The following TMBIM6 variants were observed in gnomAD, a reference collection of about 807,000 sequenced individuals.
TMBIM6 encodes transmembrane BAX inhibitor motif containing 6, also known as bax inhibitor 1.
In TMBIM6, 13 loss-of-function variants were observed where a neutral mutation model predicts 31.4. That is an observed-to-expected ratio of 0.41 (90% CI 0.27 to 0.66). The LOEUF (loss-of-function observed/expected upper bound fraction) is 0.66. TMBIM6 is among the 30% of genes least tolerant of loss of function. The pLI is 0.28. For missense variants in TMBIM6, 275 were observed against 289.5 expected, an observed-to-expected ratio of 0.95 and a Z score of 0.36; for synonymous variants, 85 against 101.7, an observed-to-expected ratio of 0.84 and a Z score of 0.99.
intron 1 of TMBIM6, among the ~76,000 whole-genome samples, chr12:49,745,465 C>G (rs1030422884): frequency 6.6e-6 from 1 of 152,164 alleles, no homozygotes; most frequent in East Asian, 1.9e-4. Context: ...TGGCTCATGC[C>G]TGTAATCCCA....
At chr12:49,746,303 C>T (rs565560397) in intron 1 of TMBIM6, among the ~76,000 whole-genome samples, 66 of 152,066 alleles carry the variant, frequency 4.3e-4, no homozygotes, top group Admixed American at 1.4e-3. Flanking sequence ...GGGCTGGTCT[C>T]GAACTCCTGA....
chr12:49,757,793 C>T (rs960343230), intron 4 of TMBIM6, among the ~76,000 whole-genome samples: 1 of 152,258 alleles, frequency 6.6e-6, no homozygotes, highest in East Asian at 1.9e-4. Context: ...CAGAACCAGT[C>T]TCACCTTTCT....
intron 1 of TMBIM6, among the ~76,000 whole-genome samples, chr12:49,743,194 C>G (rs1267754162): frequency 6.6e-6 from 1 of 151,558 alleles, no homozygotes; most frequent in Non-Finnish European, 1.5e-5. Flanking sequence ...GTTGCCCAGG[C>G]TTACCAACTC....
At chr12:49,752,881 T>C in intron 2 of TMBIM6, 92 bp from the exon 3 acceptor site, 1 of 1,198,874 alleles carries the variant, frequency 8.3e-7, no homozygotes. Flanking sequence ...CTTTTACATA[T>C]TCCCAGGAAG....
At chr12:49,749,255 T>C (rs935646275) in intron 1 of TMBIM6, among the ~76,000 whole-genome samples, 2 of 152,202 alleles carry the variant, frequency 1.3e-5, no homozygotes, top group African/African-American at 4.8e-5. Context: ...ATTTCTTTGA[T>C]TCTAAGACCT....
At chr12:49,758,514 T>C in intron 6 of TMBIM6, 34 bp downstream of exon 6, 1 of 1,606,548 alleles carries the variant, frequency 6.2e-7, no homozygotes, top group Non-Finnish European at 8.5e-7. Flanking sequence ...GAATGGGGGC[T>C]CCTTTTTAGC....
chr12:49,744,894 C>T (rs1298594246), intron 1 of TMBIM6, among the ~76,000 whole-genome samples: 2 of 152,162 alleles, frequency 1.3e-5, no homozygotes, highest in Non-Finnish European at 2.9e-5. Flanking sequence ...TCTTAGGATT[C>T]AGTATCTGTC....
intron 1 of TMBIM6, among the ~76,000 whole-genome samples, chr12:49,747,370 A>G (rs1247821925): frequency 6.6e-6 from 1 of 152,166 alleles, no homozygotes; most frequent in African/African-American, 2.4e-5. Context: ...GTGAAGCAAC[A>G]TGATGATGGC....
intron 4 of TMBIM6, among the ~76,000 whole-genome samples, chr12:49,757,939 T>G (rs1177178292): frequency 6.6e-6 from 1 of 152,228 alleles, no homozygotes; most frequent in Non-Finnish European, 1.5e-5. Context: ...TCTGAAATGT[T>G]TGGCATGCCT....
intron 1 of TMBIM6, among the ~76,000 whole-genome samples, chr12:49,742,840 C>T (rs1042133741): frequency 6.6e-6 from 1 of 152,168 alleles, no homozygotes; most frequent in African/African-American, 2.4e-5. Context: ...AATATGTTGA[C>T]ATTTAGATTC....
At chr12:49,746,754 T>C (rs756759022) in intron 1 of TMBIM6, among the ~76,000 whole-genome samples, 1 of 152,080 alleles carries the variant, frequency 6.6e-6, no homozygotes, top group Non-Finnish European at 1.5e-5. Context: ...ATGGAAAGCT[T>C]TCTTGGCCAA....
chr12:49,753,924 C>CTTTT (rs201872079), intron 3 of TMBIM6, among the ~76,000 whole-genome samples: 2 of 138,358 alleles, frequency 1.4e-5, no homozygotes, highest in Admixed American at 7.2e-5. Flanking sequence ...ACTCATGGCA[C>CTTTT]TTTTTTTTTT....
chr12:49,747,458 A>C (rs1945416661), intron 1 of TMBIM6, among the ~76,000 whole-genome samples: 2 of 151,274 alleles, frequency 1.3e-5, no homozygotes, highest in South Asian at 4.2e-4. Context: ...ACAGGCGCAC[A>C]CCACCACACC....
chr12:49,758,653 C>T (rs1445166489), intron 6 of TMBIM6, 30 bp from the exon 7 acceptor site: 1 of 1,611,980 alleles, frequency 6.2e-7, no homozygotes, highest in African/African-American at 1.3e-5. Flanking sequence ...CTTGGCTTCT[C>T]TCAAGACAGC....
At chr12:49,746,332 C>T (rs1945393916) in intron 1 of TMBIM6, among the ~76,000 whole-genome samples, 1 of 152,066 alleles carries the variant, frequency 6.6e-6, no homozygotes, top group South Asian at 2.1e-4. Flanking sequence ...GATCCGCCTG[C>T]CTCAGCCTCC....
intron 1 of TMBIM6, chr12:49,742,286 G>A: frequency 1.9e-6 from 3 of 1,581,308 alleles, no homozygotes; most frequent in Non-Finnish European, 2.6e-6. Context: ...GGCAGGTGAG[G>A]TGGCTTTGCT....
In TMBIM6 at chr12:49,755,791, G is replaced by A. The variant is rs189807941; in HGVS notation, c.286+36G>A. The A allele has an allele frequency of 2.4e-5, 39 of 1,595,332 alleles. No homozygotes were observed. The East Asian group carries it at 8.1e-4, about 33-fold the overall frequency. ...GGATTTGTCTAATTTTGAGGGGTGA[G>A]CTATATTTTCAGTATCTCTTAATTA... On this transcript the variant is annotated intron_variant, in intron 4 of 9. Coordinates refer to ENST00000267115, the MANE Select transcript of TMBIM6 (RefSeq NM_003217.3).
At chr12:49,755,843 T>A in intron 4 of TMBIM6, 88 bp downstream of exon 4, 1 of 1,473,128 alleles carries the variant, frequency 6.8e-7, no homozygotes, top group Non-Finnish European at 9.1e-7. Context: ...TTTTCTTTTT[T>A]TTTTTTTTGA....
intron 3 of TMBIM6, among the ~76,000 whole-genome samples, chr12:49,754,332 T>C (rs1945550720): frequency 6.6e-6 from 1 of 152,184 alleles, no homozygotes; most frequent in East Asian, 1.9e-4. Context: ...TGAAGTGCTG[T>C]CTAGTATTCC....
Sources: allele counts gnomAD v4.1 joint callset (sites outside exome capture counted in the v4.1 genomes callset), GRCh38; gene constraint gnomAD v4.1.1; transcripts MANE v1.5; gene names NCBI Gene and HGNC (gene_info 2026-07-23, HGNC 2026-07-21).